Variants in ELK4 observed in about 807,000 individuals in gnomAD.
ELK4 encodes ETS domain-containing protein Elk-4.
Under a neutral mutation model 29.6 loss-of-function variants are expected in ELK4, and 16 were observed. The ratio of observed to expected loss-of-function variants is 0.54; its 90% CI spans 0.37 to 0.82. ELK4 has a LOEUF of 0.82. Ranked by LOEUF, ELK4 falls within the 40% of genes least tolerant of loss-of-function variation. ELK4 has a pLI of 0.00. For missense variants in ELK4, 465 were observed against 507.1 expected (o/e 0.92, Z 0.80); for synonymous variants, 213 against 191.1 (o/e 1.11, Z -0.95).
chr1:205,618,831 T>C, intron 4 of ELK4, 126 bp downstream of exon 4: 1 of 705,470 alleles, frequency 1.4e-6, no homozygotes, highest in Non-Finnish European at 2.3e-6. Context: ...CTCAAAAAAA[T>C]AAAAAAAGAA....
intron 1 of ELK4, chr1:205,625,696 T>G (rs1571505028): frequency 2.7e-6 from 2 of 754,348 alleles, no homozygotes; most frequent in Non-Finnish European, 4.7e-6. Flanking sequence ...TTTTTTTTTG[T>G]GAGATGGAGT....
rs1394057270 is a variant in ELK4, at chr1:205,612,143, G to A, written c.*4403C>T. 1 of 199,580 alleles carries A rather than the reference G, an allele frequency of 5.0e-6. No individual in the cohort carries two copies. The highest frequency in any genetic ancestry group is 1.0e-5 in the Non-Finnish European group (1 of 96,746). 12.4% of individuals were successfully genotyped at this position (199,580 alleles called of 1,614,324 possible). A position where few individuals can be genotyped will look rare whatever the true frequency, so the allele number is the denominator to read the frequency against. On this transcript the variant is annotated 3_prime_UTR_variant, in exon 5 of 5. Coordinates refer to ENST00000357992, the MANE Select transcript of ELK4 (RefSeq NM_001973.4). ...GGAATAAAGCTGTGGAAAACATGTGGTAATGGATTATTATTTGGGAATTTA... is the reference window on the plus strand; with the variant it reads ...GGAATAAAGCTGTGGAAAACATGTGATAATGGATTATTATTTGGGAATTTA...
At chr1:205,619,511 A>G (rs1670291166) in intron 3 of ELK4, 1 of 1,094,694 alleles carries the variant, frequency 9.1e-7, no homozygotes, top group Non-Finnish European at 1.1e-6. Context: ...AAAATCTACT[A>G]AAATGTTCTA....
At chr1:205,619,246 G>A in intron 3 of ELK4, 173 bp from the exon 4 acceptor site, 1 of 1,064,392 alleles carries the variant, frequency 9.4e-7, no homozygotes, top group Non-Finnish European at 1.2e-6. Context: ...AAACTAAGAG[G>A]GATAAAGGTG....
chr1:205,619,859 A>G (rs777499715), intron 3 of ELK4, 107 bp downstream of exon 3: 19 of 1,612,588 alleles, frequency 1.2e-5, no homozygotes, highest in Admixed American at 1.7e-5. Context: ...CCTTTCTAAG[A>G]CAAACCTAAG....
In ELK4 at chr1:205,613,610, A is replaced by G. The variant is rs149824734; in HGVS notation, c.*2936T>C. 72 of 179,362 alleles carry G rather than the reference A, an allele frequency of 4.0e-4. 1 individual carries two copies. The East Asian group carries it at 6.7e-3, about 17-fold the overall frequency. The allele number at this position is 179,362 out of a possible 1,614,324, so 11.1% of individuals were successfully genotyped here. A position where few individuals can be genotyped will look rare whatever the true frequency, so the allele number is the denominator to read the frequency against. ...AATTTGATATAAAATTCTAATTTAT[A>G]TTAGAATTTTATTTATAATTTATAT... On this transcript the variant is annotated 3_prime_UTR_variant, in exon 5 of 5. Coordinates refer to ENST00000357992, the MANE Select transcript of ELK4 (RefSeq NM_001973.4).
chr1:205,610,954 T>C lies in ELK4; in HGVS notation c.*5592A>G, dbSNP rs1199981421. The C allele has an allele frequency of 8.8e-6, 2 of 226,344 alleles. No individual in the cohort carries two copies. Among genetic ancestry groups the C allele is most frequent in the Non-Finnish European group, 1.8e-5 (2 of 113,804 alleles). 14.0% of individuals were successfully genotyped at this position (226,344 alleles called of 1,614,324 possible). A position where few individuals can be genotyped will look rare whatever the true frequency, so the allele number is the denominator to read the frequency against. ...CCTGATGTGGACTATACTCAAATGA[T>C]TAGCACTCAAGAGATTAACTATGTT... On this transcript the variant is annotated 3_prime_UTR_variant, in exon 5 of 5. Transcript: ENST00000357992.
chr1:205,624,624 C>G (rs1558022970), intron 1 of ELK4, among the ~76,000 whole-genome samples: 1 of 152,144 alleles, frequency 6.6e-6, no homozygotes, highest in South Asian at 2.1e-4. Flanking sequence ...ATTTTAATAT[C>G]TTAAGTTTCA....
In ELK4 at chr1:205,615,607, G is replaced by GA. The variant is rs1670219829; in HGVS notation, c.*938dup. On this transcript the variant is annotated 3_prime_UTR_variant, in exon 5 of 5. Transcript: ENST00000357992. ...CTTCACTTGGTTATCTTCTAATTGA[G>GA]AAAACCACTACATGTTGTTTCAAGT... 5.1e-6 allele frequency: 1 copy of GA among 197,266 alleles called. No homozygotes were observed. The highest frequency in any genetic ancestry group is 1.9e-4 in the South Asian group (1 of 5,192). The allele number at this position is 197,266 out of a possible 1,614,324, so 12.2% of individuals were successfully genotyped here.
At position 205,631,655 on chromosome 1, in the gene ELK4, C is replaced by T. The variant is rs1670593635; in HGVS notation, c.-33G>A. 3.0e-6 allele frequency: 1 copy of T among 337,278 alleles called. No homozygotes were observed. The highest frequency in any genetic ancestry group is 2.0e-5 in the South Asian group (1 of 50,072). 20.9% of individuals were successfully genotyped at this position (337,278 alleles called of 1,614,324 possible). ...ACCGACGCCGCGCGCGGGGCTCCCC[C>T]TCGGTCTCCGCCTCGAACACGATGC... On this transcript the variant is annotated 5_prime_UTR_variant, in exon 1 of 5. Coordinates refer to ENST00000357992, the MANE Select transcript of ELK4 (RefSeq NM_001973.4).
intron 3 of ELK4, chr1:205,619,305 G>A: frequency 9.7e-7 from 1 of 1,035,426 alleles, no homozygotes; most frequent in Non-Finnish European, 1.2e-6. Context: ...TAGTTTTTGG[G>A]GGTACAAGTG....
rs12738516 is a variant in ELK4, at chr1:205,621,251, G to C, written c.208-413C>G. Among the ~76,000 whole-genome samples the C allele has an allele frequency of 1.2e-4, 16 of 134,664 alleles. No homozygotes were observed. The East Asian group carries it at 3.5e-3, about 29-fold the overall frequency. The allele number at this position is 134,664 out of a possible 152,430, so 88.3% of individuals were successfully genotyped here. A position where few individuals can be genotyped will look rare whatever the true frequency, so the allele number is the denominator to read the frequency against. The stretch of plus-strand genomic sequence containing the variant: ...GCTGGTAATGAGGTTCTCCATTTTA[G>C]AAGTAGACATCACTTACTTAAAACT... On this transcript the variant is annotated intron_variant, in intron 2 of 4. Transcript: ENST00000357992.
intron 1 of ELK4, among the ~76,000 whole-genome samples, chr1:205,627,266 T>C (rs1670484278): frequency 6.6e-6 from 1 of 152,146 alleles, no homozygotes; most frequent in Non-Finnish European, 1.5e-5. Flanking sequence ...TCCCAGCACT[T>C]TGGGAGGCCG....
chr1:205,622,419 CCAA>C (rs1670369500), intron 2 of ELK4, among the ~76,000 whole-genome samples: 1 of 152,080 alleles, frequency 6.6e-6, no homozygotes, highest in African/African-American at 2.4e-5. Context: ...ACTTTTCTCC[CCAA>C]CAAGACAGGG....
At position 205,610,094 on chromosome 1, in the gene ELK4, C is replaced by T. The variant is rs1243397730; in HGVS notation, c.*6452G>A. On this transcript the variant is annotated 3_prime_UTR_variant, in exon 5 of 5. Coordinates refer to ENST00000357992, the MANE Select transcript of ELK4 (RefSeq NM_001973.4). ...GATTAACACCAATATATGGCATTCC[C>T]ACCCCTGAACTTTAGGCATTCTTGA... 1 of 232,024 alleles carries T rather than the reference C, an allele frequency of 4.3e-6. No homozygotes were observed. Among genetic ancestry groups the T allele is most frequent in the Non-Finnish European group, 8.5e-6 (1 of 117,366 alleles). The allele number at this position is 232,024 out of a possible 1,614,324, so 14.4% of individuals were successfully genotyped here. A position where few individuals can be genotyped will look rare whatever the true frequency, so the allele number is the denominator to read the frequency against.
intron 2 of ELK4, among the ~76,000 whole-genome samples, chr1:205,622,707 GAC>G: frequency 1.3e-5 from 2 of 152,116 alleles, no homozygotes; most frequent in Non-Finnish European, 2.9e-5. Context: ...AGTAAATTAT[GAC>G]ACACATGAGA....
chr1:205,620,189 G>A lies in ELK4; in HGVS notation c.857C>T (p.Ala286Val), dbSNP rs774860570. 2 of 1,614,258 alleles carry A rather than the reference G, an allele frequency of 1.2e-6. No individual in the cohort carries two copies. Residue 286 changes from alanine (A) to valine (V), a missense_variant, in exon 3 of 5, where the codon GCT becomes GTT. By Grantham distance (64) the Ala-to-Val change is moderately conservative. Transcript: ENST00000357992. ...PDIDTDIDSV[A>V]SQPMELPENL... ...CTCTGGAAGTTCCATTGGCTGAGAA[G>A]CCACTGAATCAATGTCTGTGTCGAT...
intron 3 of ELK4, chr1:205,619,383 A>C: frequency 1.9e-6 from 2 of 1,064,014 alleles, no homozygotes; most frequent in Non-Finnish European, 2.3e-6. Context: ...CCTCTTTTTA[A>C]GCCAACATTT....
Position 205,614,154 on chromosome 1 carries a change from G to A in ELK4, c.*2392C>T, listed in dbSNP as rs1427221703. The stretch of plus-strand genomic sequence containing the variant: ...CACCTCTGAGAGGCTATAGATTTAT[G>A]CAAAAAGGACTCACTAAAATGGTTT... On this transcript the variant is annotated 3_prime_UTR_variant, in exon 5 of 5. Transcript: ENST00000357992. 4.5e-6 allele frequency: 1 copy of A among 221,294 alleles called. No homozygotes were observed. Among genetic ancestry groups the A allele is most frequent in the African/African-American group, 2.2e-5 (1 of 44,662 alleles). The allele number at this position is 221,294 out of a possible 1,614,324, so 13.7% of individuals were successfully genotyped here.
Sources: gnomAD v4.1 joint callset for allele counts (sites outside exome capture counted in the v4.1 genomes callset) on GRCh38, gnomAD v4.1.1 for gene constraint, MANE v1.5 for transcripts, NCBI Gene and HGNC (gene_info 2026-07-23, HGNC 2026-07-21) for gene names.